The following PRKCE variants were observed in gnomAD, a reference collection of about 807,000 sequenced individuals.
The protein encoded by PRKCE is protein kinase C epsilon, also known as protein kinase C epsilon type.
PRKCE carries 16 observed loss-of-function variants against 85.4 expected under a neutral mutation model. The ratio of observed to expected loss-of-function variants is 0.19; its 90% CI spans 0.13 to 0.28. The LOEUF (loss-of-function observed/expected upper bound fraction) is 0.28. PRKCE is among the 10% of genes least tolerant of loss of function. The pLI is 1.00. For missense variants in PRKCE, 573 were observed against 975.2 expected (o/e 0.59, Z 5.49); for synonymous variants, 388 against 371.5 (o/e 1.04, Z -0.51).
chr2:46,078,607 G>A (rs1433145919), intron 10 of PRKCE: 1 of 151,016 alleles, frequency 6.6e-6, no homozygotes, highest in African/African-American at 2.4e-5. Flanking sequence ...GCACTTTTCT[G>A]TCTCCTTCCT....
At chr2:46,129,087 C>T (rs556776301) in intron 11 of PRKCE, among the ~76,000 whole-genome samples, 2 of 152,194 alleles carry the variant, frequency 1.3e-5, no homozygotes, top group African/African-American at 2.4e-5. Context: ...AAGACGTGCA[C>T]CCTCTCTAGG....
Position 45,721,715 on chromosome 2 carries a change from A to C in PRKCE, c.348+69267A>C, listed in dbSNP as rs558015846. Reference sequence around the variant, plus strand: ...AACAAGCTAAACCCCATCTCCACAAAAAAATTAAAAAATTAGCCAGGCATG... The same window carrying C: ...AACAAGCTAAACCCCATCTCCACAACAAAATTAAAAAATTAGCCAGGCATG... On this transcript the variant is annotated intron_variant, in intron 1 of 14. Transcript: ENST00000306156. Among the ~76,000 whole-genome samples, 268 of 152,178 alleles carry C rather than the reference A, an allele frequency of 1.8e-3. 7 individuals carry two copies. The highest frequency in any genetic ancestry group is 7.9e-4 in the Non-Finnish European group (54 of 67,994).
In PRKCE at chr2:46,010,502, C is replaced by G. The variant is rs771638100; in HGVS notation, c.1422C>G (p.Cys474Trp). ...RKHPYLTQLY[C>W]CFQTKDRLFF... is the part of the protein sequence containing the mutation. ...ACCCGTACCTTACCCAACTCTACTG[C>G]TGCTTCCAGACCAAGGTATGTTAGG... Residue 474 changes from cysteine to tryptophan, a missense_variant, in exon 10 of 15, where the codon TGC becomes TGG. Coordinates refer to ENST00000306156, the MANE Select transcript of PRKCE (RefSeq NM_005400.3). The G allele has an allele frequency of 1.3e-5, 20 of 1,599,524 alleles. No individual in the cohort carries two copies. Among genetic ancestry groups the G allele is most frequent in the Middle Eastern group, 1.6e-4 (1 of 6,082 alleles).
chr2:46,019,791 A>G (rs1574248611), intron 10 of PRKCE, among the ~76,000 whole-genome samples: 1 of 145,992 alleles, frequency 6.8e-6, no homozygotes, highest in Non-Finnish European at 1.5e-5. Context: ...ACTAAGGAAT[A>G]TATTTACCCA....
At chr2:45,762,955 TC>T (rs1255633537) in intron 1 of PRKCE, among the ~76,000 whole-genome samples, 5 of 98,104 alleles carry the variant, frequency 5.1e-5, no homozygotes, top group African/African-American at 2.0e-4. Context: ...TTTCTTTTCT[TC>T]TTTTTTTTTT....
intron 2 of PRKCE, among the ~76,000 whole-genome samples, chr2:45,860,095 G>A (rs937636830): frequency 6.6e-6 from 1 of 151,168 alleles, no homozygotes; most frequent in Non-Finnish European, 1.5e-5. Flanking sequence ...TTATCCGTTT[G>A]CCCCTCTAGA....
At chr2:45,901,261 T>A (rs949659776) in intron 2 of PRKCE, among the ~76,000 whole-genome samples, 1 of 152,196 alleles carries the variant, frequency 6.6e-6, no homozygotes, top group Non-Finnish European at 1.5e-5. Flanking sequence ...TCCTAATCGG[T>A]TGCTTGAGGA....
intron 11 of PRKCE, among the ~76,000 whole-genome samples, chr2:46,095,279 G>C (rs1421347306): frequency 6.6e-6 from 1 of 152,144 alleles, no homozygotes; most frequent in Non-Finnish European, 1.5e-5. Context: ...AAAGGGAGAC[G>C]GCCTGGTGGC....
At chr2:45,765,932 C>G (rs1030157152) in intron 1 of PRKCE, among the ~76,000 whole-genome samples, 10 of 152,310 alleles carry the variant, frequency 6.6e-5, no homozygotes, top group Non-Finnish European at 1.5e-4. Context: ...TATTGGGTAA[C>G]TGTGGGTAGC....
chr2:45,958,353 C>A (rs1222364271), intron 2 of PRKCE, among the ~76,000 whole-genome samples: 2 of 151,078 alleles, frequency 1.3e-5, no homozygotes, highest in East Asian at 1.9e-4. Context: ...ACTAAAAATA[C>A]AAAAAATTAG....
chr2:45,752,738 A>G (rs181547921), intron 1 of PRKCE, among the ~76,000 whole-genome samples: 1 of 152,116 alleles, frequency 6.6e-6, no homozygotes, highest in African/African-American at 2.4e-5. Flanking sequence ...GCAGGCAGGC[A>G]GTCAGGTCAC....
At chr2:45,874,122 T>G (rs1455512481) in intron 2 of PRKCE, among the ~76,000 whole-genome samples, 1 of 152,338 alleles carries the variant, frequency 6.6e-6, no homozygotes, top group East Asian at 1.9e-4. Flanking sequence ...CAACACAAGT[T>G]CTATGAAGTC....
At chr2:45,689,898 T>C (rs1165637458) in intron 1 of PRKCE, among the ~76,000 whole-genome samples, 1 of 120,232 alleles carries the variant, frequency 8.3e-6, no homozygotes, top group Non-Finnish European at 1.7e-5. Flanking sequence ...CAAGACTCCA[T>C]CTCAAAAAAA....
At chr2:45,917,417 C>G (rs961237772) in intron 2 of PRKCE, among the ~76,000 whole-genome samples, 2 of 149,430 alleles carry the variant, frequency 1.3e-5, no homozygotes, top group African/African-American at 5.0e-5. Context: ...TCTGCAAGGC[C>G]CCACCAGAGT....
chr2:45,696,597 A>C (rs923681761), intron 1 of PRKCE, among the ~76,000 whole-genome samples: 1 of 152,058 alleles, frequency 6.6e-6, no homozygotes, highest in African/African-American at 2.4e-5. Context: ...TCATCTTTTC[A>C]CTGGGTTCGA....
chr2:46,024,744 C>A (rs769028345), intron 10 of PRKCE, among the ~76,000 whole-genome samples: 4 of 152,130 alleles, frequency 2.6e-5, no homozygotes, highest in African/African-American at 9.7e-5. Context: ...GTTTCTTTCA[C>A]CATTTATCCA....
chr2:46,054,875 C>T (rs977761353), intron 10 of PRKCE, among the ~76,000 whole-genome samples: 5 of 152,060 alleles, frequency 3.3e-5, no homozygotes, highest in African/African-American at 7.2e-5. Flanking sequence ...AGACTATGGG[C>T]GGACATTGGA....
intron 1 of PRKCE, among the ~76,000 whole-genome samples, chr2:45,744,421 CTTTCTTTCTTTCT>C (rs1682872195): frequency 6.8e-5 from 1 of 14,612 alleles, no homozygotes; most frequent in Admixed American, 9.0e-4. Flanking sequence ...TCTTTTCTTT[CTTTCTTTCTTTCT>C]TTCTTTCTTT....
intron 2 of PRKCE, among the ~76,000 whole-genome samples, chr2:45,877,646 TA>T (rs533169224): frequency 2.5e-4 from 38 of 152,134 alleles, no homozygotes; most frequent in Non-Finnish European, 4.4e-4. Context: ...TTCTAAACTT[TA>T]AAAAAAATTC....
Sources: gnomAD v4.1 joint callset for allele counts (sites outside exome capture counted in the v4.1 genomes callset) on GRCh38, gnomAD v4.1.1 for gene constraint, MANE v1.5 for transcripts, NCBI Gene and HGNC (gene_info 2026-07-23, HGNC 2026-07-21) for gene names.